Variants in ATP6V0D1 observed in about 807,000 individuals in gnomAD.
ATP6V0D1 encodes the protein V-type proton ATPase subunit d 1.
In ATP6V0D1, 13 loss-of-function variants were observed where a neutral mutation model predicts 39.0. The observed-to-expected ratio is 0.33, with a 90% CI of 0.22 to 0.53. The LOEUF (loss-of-function observed/expected upper bound fraction) is 0.53. Among genes scored for constraint, ATP6V0D1 ranks in the 20% least tolerant of loss-of-function variants. The pLI is 0.94. For synonymous variants in ATP6V0D1, 191 were observed against 191.2 expected, an observed-to-expected ratio of 1.00 and a Z score of 0.01; for missense variants, 272 against 470.9, an observed-to-expected ratio of 0.58 and a Z score of 3.91.
rs72650143 is a variant in ATP6V0D1 at position 67,439,693 on chromosome 16, CA to C, written c.562-343del. ...CCTGCTGCTCTGCCTTCCTTTTCCC[CA>C]AATCTTTCCAAACCTCCCCTTCCTC... On this transcript the variant is annotated intron_variant, in intron 4 of 7. Coordinates refer to ENST00000290949, the MANE Select transcript of ATP6V0D1 (RefSeq NM_004691.5). 70 of 342,278 alleles carry C rather than the reference CA, an allele frequency of 2.0e-4. 1 individual carries two copies. The highest frequency in any genetic ancestry group is 9.1e-4 in the South Asian group (23 of 25,194). 21.2% of individuals were successfully genotyped at this position (342,278 alleles called of 1,614,324 possible). A position where few individuals can be genotyped will look rare whatever the true frequency, so the allele number is the denominator to read the frequency against.
At chr16:67,445,235 G>A (rs1030216988) in intron 2 of ATP6V0D1, among the ~76,000 whole-genome samples, 4 of 152,182 alleles carry the variant, frequency 2.6e-5, no homozygotes, top group South Asian at 2.1e-4. Context: ...GCAGCCGGCA[G>A]CACGGGGCTG....
rs140055341 is a variant in ATP6V0D1 at position 67,441,447 on chromosome 16, G to C, written c.561+1652C>G. 1.2e-4 allele frequency: 18 copies of C among 152,406 alleles called. No individual in the cohort carries two copies. In the East Asian group the frequency reaches 3.5e-3, roughly 29 times the overall value. 9.4% of individuals were successfully genotyped at this position (152,406 alleles called of 1,614,324 possible). ...CAGCCCTCGCCGGCGACTCCAGCTA[G>C]AACCAGTCAGGCCCGGTGAGGGCAT... On this transcript the variant is annotated intron_variant, in intron 4 of 7. Coordinates refer to ENST00000290949, the MANE Select transcript of ATP6V0D1 (RefSeq NM_004691.5).
chr16:67,440,505 A>G (rs1048820213), intron 4 of ATP6V0D1: 1 of 152,300 alleles, frequency 6.6e-6, no homozygotes, highest in African/African-American at 2.4e-5. Context: ...ATCTGCTGGC[A>G]TGGGCTCAGA....
chr16:67,472,566 T>C (rs1225862540), intron 1 of ATP6V0D1, among the ~76,000 whole-genome samples: 2 of 152,302 alleles, frequency 1.3e-5, no homozygotes, highest in African/African-American at 4.8e-5. Context: ...CAAAATGAAA[T>C]GTATAAAATA....
At chr16:67,446,091 G>A in intron 2 of ATP6V0D1, 1 of 384,134 alleles carries the variant, frequency 2.6e-6, no homozygotes, top group Non-Finnish European at 5.3e-6. Flanking sequence ...TGCAACTAGT[G>A]CTCAGGCTGT....
intron 2 of ATP6V0D1, among the ~76,000 whole-genome samples, chr16:67,449,664 A>C (rs1453037424): frequency 6.6e-6 from 1 of 152,060 alleles, no homozygotes; most frequent in Admixed American, 6.5e-5. Context: ...TCCCCACCTG[A>C]TCCTGGAGTC....
intron 1 of ATP6V0D1, among the ~76,000 whole-genome samples, chr16:67,459,756 G>C (rs2041274406): frequency 6.6e-6 from 1 of 152,246 alleles, no homozygotes; most frequent in Non-Finnish European, 1.5e-5. Context: ...TCAGCCCCCA[G>C]GCCTCTGCAG....
At chr16:67,465,005 C>A (rs1289516924) in intron 1 of ATP6V0D1, among the ~76,000 whole-genome samples, 1 of 152,226 alleles carries the variant, frequency 6.6e-6, no homozygotes, top group Non-Finnish European at 1.5e-5. Context: ...TTTGGACACA[C>A]AGAGCAGGTG....
rs890927891 is a variant in ATP6V0D1 at position 67,452,885 on chromosome 16, A to G, written c.302+659T>C. Among the ~76,000 whole-genome samples the G allele has an allele frequency of 1.1e-4, 17 of 152,320 alleles. No individual in the cohort carries two copies. In the South Asian group the frequency reaches 2.7e-3, roughly 24 times the overall value. ...CTTGATGAAGGCAGAGCTGTGCCCA[A>G]GGGTCAGACAATGAAGAAGCTGGGG... On this transcript the variant is annotated intron_variant, in intron 2 of 7. Coordinates refer to ENST00000290949, the MANE Select transcript of ATP6V0D1 (RefSeq NM_004691.5).
intron 1 of ATP6V0D1, among the ~76,000 whole-genome samples, chr16:67,465,011 A>T (rs2041317998): frequency 3.3e-5 from 5 of 152,240 alleles, no homozygotes. Flanking sequence ...CACACAGAGC[A>T]GGTGCCCAGG....
chr16:67,469,001 T>C (rs999519828), intron 1 of ATP6V0D1, among the ~76,000 whole-genome samples: 1 of 152,180 alleles, frequency 6.6e-6, no homozygotes, highest in Non-Finnish European at 1.5e-5. Flanking sequence ...TGACCATAAA[T>C]AGCTTCTCAG....
chr16:67,473,555 G>A (rs999218243), intron 1 of ATP6V0D1, among the ~76,000 whole-genome samples: 8 of 151,620 alleles, frequency 5.3e-5, no homozygotes, highest in African/African-American at 1.5e-4. Flanking sequence ...ACAGAGTCTC[G>A]CTCAGTCGCC....
Position 67,444,603 on chromosome 16 carries a change from C to G in ATP6V0D1, c.406G>C (p.Glu136Gln). The change falls in exon 3 of 8, where the codon GAG becomes CAG. Residue 136 changes from glutamate (E) to glutamine (Q), a missense_variant. By Grantham distance (29) the Glu-to-Gln change is conservative (BLOSUM62 2). Transcript: ENST00000290949. The surrounding 1 kb of genome is among the most constrained non-coding windows in gnomAD (Gnocchi z 4.8). ...VPKCHPLGSF[E>Q]QMEAVNIAQT... ...GCAATGTTCACGGCCTCCATCTGCT[C>G]GAAGCTGCCTAGTGGGTGGCACTTG... 1 of 1,613,572 alleles carries G rather than the reference C, an allele frequency of 6.2e-7. No homozygotes were observed. Among genetic ancestry groups the G allele is most frequent in the South Asian group, 1.1e-5 (1 of 91,044 alleles).
In ATP6V0D1 at chr16:67,438,267, C is replaced by G. The variant is rs2142292518; in HGVS notation, c.*261G>C. On this transcript the variant is annotated 3_prime_UTR_variant, in exon 8 of 8. Transcript: ENST00000290949. ...TTAGATACATCAGCGGCTGTAACCA[C>G]AGGGCTGAGGGGGCCTCCTTGCTCT... is the stretch of plus-strand genomic sequence containing the variant. 1 of 530,674 alleles carries G rather than the reference C, an allele frequency of 1.9e-6. No individual in the cohort carries two copies. The highest frequency in any genetic ancestry group is 3.4e-6 in the Non-Finnish European group (1 of 296,532). 32.9% of individuals were successfully genotyped at this position (530,674 alleles called of 1,614,324 possible).
chr16:67,452,135 G>T, intron 2 of ATP6V0D1: 1 of 1,429,882 alleles, frequency 7.0e-7, no homozygotes, highest in Non-Finnish European at 9.3e-7. Context: ...CCAAGGCCAG[G>T]GAATGATCAA....
chr16:67,472,287 A>G (rs1053623415), intron 1 of ATP6V0D1, among the ~76,000 whole-genome samples: 41 of 152,352 alleles, frequency 2.7e-4, no homozygotes, highest in Non-Finnish European at 5.3e-4. Flanking sequence ...TGTGGGGTCC[A>G]GGCTCTCACA....
intron 1 of ATP6V0D1, among the ~76,000 whole-genome samples, chr16:67,475,027 C>T (rs2041403612): frequency 6.6e-6 from 1 of 152,224 alleles, no homozygotes; most frequent in African/African-American, 2.4e-5. Flanking sequence ...GCTGCCTTCA[C>T]CGCCAGCCTG....
At chr16:67,478,715 G>C (rs1017473335) in intron 1 of ATP6V0D1, among the ~76,000 whole-genome samples, 1 of 151,070 alleles carries the variant, frequency 6.6e-6, no homozygotes, top group Non-Finnish European at 1.5e-5. Context: ...TACAAGGTGG[G>C]GCAGAGGGCG....
chr16:67,455,607 AAGAGAAAGTC>A (rs1347806317), intron 1 of ATP6V0D1: 1 of 152,200 alleles, frequency 6.6e-6, no homozygotes, highest in Middle Eastern at 3.1e-3. Context: ...AAGGGCATAG[AAGAGAAAGTC>A]AGGCAGGGCA....
Sources: gnomAD v4.1 joint callset for allele counts (sites outside exome capture counted in the v4.1 genomes callset) on GRCh38, gnomAD v4.1.1 for gene constraint, Gnocchi (gnomAD v3.1) non-coding constraint, MANE v1.5 for transcripts, NCBI Gene and HGNC (gene_info 2026-07-23, HGNC 2026-07-21) for gene names.